CWC22: variants seen among roughly 807,000 people sequenced by gnomAD.
The protein encoded by CWC22 is pre-mRNA-splicing factor CWC22 homolog.
In CWC22, 53 loss-of-function variants were observed where a neutral mutation model predicts 117.2. The observed-to-expected ratio is 0.45, with a 90% CI of 0.36 to 0.57. The LOEUF is 0.57. Among genes scored for constraint, CWC22 ranks in the 20% least tolerant of loss-of-function variants. CWC22 has a pLI of 0.00. For synonymous variants in CWC22, 360 were observed against 355.6 expected, an observed-to-expected ratio of 1.01 and a Z score of -0.14; for missense variants, 980 against 1,068.8, an observed-to-expected ratio of 0.92 and a Z score of 1.16.
At chr2:179,973,991 A>T (rs1687094471) in intron 6 of CWC22, among the ~76,000 whole-genome samples, 189 bp from the exon 7 acceptor site, 1 of 152,194 alleles carries the variant, frequency 6.6e-6, no homozygotes, top group Non-Finnish European at 1.5e-5. Flanking sequence ...TGAATTTGTG[A>T]TTTTGTAAAA....
At chr2:179,988,178 G>A (rs969539381) in intron 3 of CWC22, among the ~76,000 whole-genome samples, 1 of 152,140 alleles carries the variant, frequency 6.6e-6, no homozygotes, top group Non-Finnish European at 1.5e-5. Flanking sequence ...TGGCTCTGGG[G>A]GTTGGGGACC....
intron 19 of CWC22, among the ~76,000 whole-genome samples, chr2:179,947,002 T>C (rs1307535585): frequency 1.3e-5 from 2 of 152,216 alleles, no homozygotes; most frequent in African/African-American, 4.8e-5. Flanking sequence ...AAAATGGTTA[T>C]ACTGAAATAA....
intron 6 of CWC22, among the ~76,000 whole-genome samples, chr2:179,977,738 A>G (rs922454706): frequency 6.6e-6 from 1 of 152,230 alleles, no homozygotes; most frequent in Non-Finnish European, 1.5e-5. Context: ...AAAAAATGAC[A>G]GGCATGTGAA....
At chr2:179,988,435 T>C in intron 3 of CWC22, 142 bp downstream of exon 3, 1 of 533,430 alleles carries the variant, frequency 1.9e-6, no homozygotes, top group Non-Finnish European at 3.3e-6. Flanking sequence ...TGATTCCTCC[T>C]ACAGCCCATT....
At chr2:179,964,945 T>C (rs1686850843) in intron 12 of CWC22, among the ~76,000 whole-genome samples, 1 of 152,180 alleles carries the variant, frequency 6.6e-6, no homozygotes, top group Admixed American at 6.5e-5. Context: ...TTTCTAGAGT[T>C]ATAAACAATA....
At chr2:179,970,029 T>G (rs1242641626) in intron 11 of CWC22, among the ~76,000 whole-genome samples, 2 of 152,146 alleles carry the variant, frequency 1.3e-5, no homozygotes, top group Non-Finnish European at 2.9e-5. Context: ...ATACCAATGA[T>G]GTACAAATGA....
rs754960321 is a variant in CWC22, at chr2:179,981,926, G to C, written c.278C>G (p.Ser93Cys). 7.2e-5 allele frequency: 114 copies of C among 1,585,110 alleles called. No individual in the cohort carries two copies. Among genetic ancestry groups the C allele is most frequent in the Non-Finnish European group, 9.8e-5 (114 of 1,164,270 alleles). The change falls in exon 5 of 20, where the codon TCT becomes TGT. Residue 93 changes from serine (S) to cysteine (C), a missense_variant. Physicochemically the swap from Ser to Cys is moderately radical, Grantham distance 112. Around this residue, in one of 3 missense-constraint regions of CWC22, gnomAD observed 559 missense variants for 602.3 expected, o/e 0.93. Coordinates refer to ENST00000410053, the MANE Select transcript of CWC22 (RefSeq NM_020943.3). The part of the protein sequence containing the change: ...TDRKRSRKSP[S>C]PGRRNPETSV... ...TGTTTCTGGGTTTCTCCTCCCAGGA[G>C]ATGGGGATTTCCGAGACCTTTTCCG...
rs191844417 is a variant in CWC22, at chr2:179,966,123, C to A, written c.1211-141G>T. On this transcript the variant is annotated intron_variant, in intron 11 of 19. Coordinates refer to ENST00000410053, the MANE Select transcript of CWC22 (RefSeq NM_020943.3). Reference sequence around the variant, plus strand: ...GCCAACAAAGATAACCACCAAGCCTCGTGTTATTGCCTAGGTTGTCAAAAA... The same window carrying A: ...GCCAACAAAGATAACCACCAAGCCTAGTGTTATTGCCTAGGTTGTCAAAAA... 6.4e-5 allele frequency: 37 copies of A among 581,390 alleles called. No homozygotes were observed. In the African/African-American group the frequency reaches 6.4e-4, roughly 10 times the overall value. The allele number at this position is 581,390 out of a possible 1,614,324, so 36.0% of individuals were successfully genotyped here.
intron 1 of CWC22, among the ~76,000 whole-genome samples, chr2:179,994,596 A>C (rs1687653955): frequency 6.6e-6 from 1 of 152,200 alleles, no homozygotes. Context: ...TAAGTCAAGA[A>C]ATGTTTCTAT....
chr2:179,977,865 A>T (rs2105536195), intron 6 of CWC22, among the ~76,000 whole-genome samples: 1 of 152,296 alleles, frequency 6.6e-6, no homozygotes, highest in South Asian at 2.1e-4. Flanking sequence ...GAAATAAAAA[A>T]TTAAATTAGT....
intron 1 of CWC22, among the ~76,000 whole-genome samples, chr2:180,002,841 G>T (rs1687878985): frequency 1.3e-5 from 2 of 152,176 alleles, no homozygotes; most frequent in South Asian, 4.1e-4. Context: ...GGATTCCAAG[G>T]TGTACATGAA....
chr2:179,945,776 C>T (rs952675808), intron 19 of CWC22, 61 bp from the exon 20 acceptor site: 1 of 1,065,052 alleles, frequency 9.4e-7, no homozygotes, highest in Non-Finnish European at 1.3e-6. Context: ...ATAATTATAA[C>T]AATCACATTT....
rs191283859 is a variant in CWC22 at position 179,976,687 on chromosome 2, T to C, written c.581+1503A>G. Among the ~76,000 whole-genome samples, 590 of 152,036 alleles carry C rather than the reference T, an allele frequency of 3.9e-3. 3 individuals carry two copies. The highest frequency in any genetic ancestry group is 0.014 in the African/African-American group (571 of 41,446). On this transcript the variant is annotated intron_variant, in intron 6 of 19. Coordinates refer to ENST00000410053, the MANE Select transcript of CWC22 (RefSeq NM_020943.3). ...TCACCAATTATCAAAGAAATACAAATTAAAACCACAATGAGACATCTCACA... is the reference window on the plus strand; with the variant it reads ...TCACCAATTATCAAAGAAATACAAACTAAAACCACAATGAGACATCTCACA...
At chr2:179,987,243 C>T (rs1687441579) in intron 3 of CWC22, among the ~76,000 whole-genome samples, 1 of 152,168 alleles carries the variant, frequency 6.6e-6, no homozygotes, top group African/African-American at 2.4e-5. Context: ...CCATATTCAT[C>T]AGCTGTTAAT....
chr2:179,988,038 T>C (rs1332133158), intron 3 of CWC22, among the ~76,000 whole-genome samples: 1 of 152,066 alleles, frequency 6.6e-6, no homozygotes, highest in Non-Finnish European at 1.5e-5. Context: ...CCTAGATCCC[T>C]CACATGCACA....
chr2:179,999,367 C>T (rs1687789097), intron 1 of CWC22, among the ~76,000 whole-genome samples: 1 of 152,082 alleles, frequency 6.6e-6, no homozygotes, highest in Non-Finnish European at 1.5e-5. Flanking sequence ...CTCAACAAAA[C>T]CACACCTGTT....
chr2:179,977,125 G>A (rs571187833), intron 6 of CWC22, among the ~76,000 whole-genome samples: 13 of 152,078 alleles, frequency 8.5e-5, no homozygotes, highest in South Asian at 2.1e-4. Context: ...ACTGTACTCC[G>A]GCCTGACAAT....
At chr2:179,969,860 A>G (rs1490201664) in intron 11 of CWC22, among the ~76,000 whole-genome samples, 13 of 152,180 alleles carry the variant, frequency 8.5e-5, no homozygotes, top group African/African-American at 2.9e-4. Flanking sequence ...AATAGCTATC[A>G]TTGTAGGTGA....
At chr2:179,951,072 G>T in intron 17 of CWC22, 146 bp from the exon 18 acceptor site, 1 of 582,638 alleles carries the variant, frequency 1.7e-6, no homozygotes, top group Non-Finnish European at 3.0e-6. Context: ...ATTAGGTTAG[G>T]CTACGTGCTA....
Sources: gnomAD v4.1 joint callset for allele counts (sites outside exome capture counted in the v4.1 genomes callset) on GRCh38, gnomAD v4.1.1 for gene constraint, gnomAD v4.1.1 regional missense constraint, MANE v1.5 for transcripts, NCBI Gene and HGNC (gene_info 2026-07-23, HGNC 2026-07-21) for gene names.